The following CXCL14 variants were observed in gnomAD, a reference collection of about 807,000 sequenced individuals.
CXCL14 encodes the protein C-X-C motif chemokine 14.
In CXCL14, 9 loss-of-function variants were observed where a neutral mutation model predicts 16.1. That is an observed-to-expected ratio of 0.56 (90% CI 0.34 to 0.97). The LOEUF is 0.97. Among genes scored for constraint, CXCL14 ranks in the 50% least tolerant of loss-of-function variants. CXCL14 has a pLI of 0.02. For synonymous variants in CXCL14, 55 were observed against 52.8 expected, an observed-to-expected ratio of 1.04 and a Z score of -0.18; for missense variants, 111 against 132.5, an observed-to-expected ratio of 0.84 and a Z score of 0.80.
At chr5:135,574,232 G>T (rs187539057) in intron 3 of CXCL14, among the ~76,000 whole-genome samples, 22 of 152,370 alleles carry the variant, frequency 1.4e-4, no homozygotes, top group Admixed American at 1.1e-3. Context: ...TGGCAGCCAT[G>T]CCAGTGCTCA....
chr5:135,577,020 C>T (rs1405711888), intron 2 of CXCL14, among the ~76,000 whole-genome samples: 1 of 152,094 alleles, frequency 6.6e-6, no homozygotes, highest in African/African-American at 2.4e-5. Context: ...CTACAAGGCT[C>T]CGTAAAGCCT....
intron 3 of CXCL14, among the ~76,000 whole-genome samples, chr5:135,572,604 C>T (rs753627532): frequency 5.3e-5 from 8 of 152,334 alleles, no homozygotes; most frequent in South Asian, 2.1e-4. Flanking sequence ...TGGGGCCATA[C>T]GTTACACTTA....
At chr5:135,575,638 A>G (rs1751086303) in intron 2 of CXCL14, among the ~76,000 whole-genome samples, 1 of 152,270 alleles carries the variant, frequency 6.6e-6, no homozygotes, top group South Asian at 2.1e-4. Flanking sequence ...AAGGGGAAAG[A>G]GTAGCCTTGC....
intron 3 of CXCL14, among the ~76,000 whole-genome samples, chr5:135,572,195 A>T (rs1448917883): frequency 1.1e-4 from 17 of 152,196 alleles, no homozygotes; most frequent in Admixed American, 1.1e-3. Context: ...CCCAGTGGCC[A>T]CCGACTGTTA....
chr5:135,571,242 G>C lies in CXCL14; in HGVS notation c.*611C>G, dbSNP rs908358638. 6.6e-6 allele frequency: 1 copy of C among 152,310 alleles called. No individual in the cohort carries two copies. Among genetic ancestry groups the C allele is most frequent in the Admixed American group, 6.5e-5 (1 of 15,284 alleles). The allele number at this position is 152,310 out of a possible 1,614,324, so 9.4% of individuals were successfully genotyped here. A position where few individuals can be genotyped will look rare whatever the true frequency, so the allele number is the denominator to read the frequency against. ...CCTAGGGTGTGTAAAAATTAACCAG[G>C]GGGGAATGAAGCACATTTTTCTGGC... On this transcript the variant is annotated 3_prime_UTR_variant, in exon 4 of 4. Coordinates refer to ENST00000512158, the MANE Select transcript of CXCL14 (RefSeq NM_004887.5).
At chr5:135,575,869 G>A (rs1580694301) in intron 2 of CXCL14, among the ~76,000 whole-genome samples, 2 of 152,176 alleles carry the variant, frequency 1.3e-5, no homozygotes, top group East Asian at 3.9e-4. Context: ...GGGCAAAGGG[G>A]GAGACTGGAA....
rs1751163789 is a variant in CXCL14, at chr5:135,578,787, G to C, written c.-9C>G. 6.5e-7 allele frequency: 1 copy of C among 1,535,880 alleles called. No individual in the cohort carries two copies. ...GCCGCCAGGAGCCTCATGCTGACCG[G>C]AGGGGCGCGGCGTGGGAGCAGGGAC... On this transcript the variant is annotated 5_prime_UTR_variant, in exon 1 of 4. Coordinates refer to ENST00000512158, the MANE Select transcript of CXCL14 (RefSeq NM_004887.5).
intron 2 of CXCL14, among the ~76,000 whole-genome samples, 182 bp downstream of exon 2, chr5:135,578,252 C>T (rs919746155): frequency 1.3e-5 from 2 of 152,184 alleles, no homozygotes; most frequent in Middle Eastern, 3.2e-3. Flanking sequence ...CCCCCCTTCC[C>T]GACTGTCTTC....
At chr5:135,575,270 T>C (rs981875543) in intron 2 of CXCL14, among the ~76,000 whole-genome samples, 24 of 152,006 alleles carry the variant, frequency 1.6e-4, no homozygotes, top group African/African-American at 5.1e-4. Context: ...TTGTGGGAGG[T>C]CCCAGGTATC....
Position 135,571,952 on chromosome 5 carries a change from G to T in CXCL14, c.285-84C>A, listed in dbSNP as rs370520506. Reference sequence around the variant, plus strand: ...ATGCTGGCTAAGCGGCTTCATTCACGTCTGGTCTGCAGGGAATGCCCCTGT... The same window carrying T: ...ATGCTGGCTAAGCGGCTTCATTCACTTCTGGTCTGCAGGGAATGCCCCTGT... On this transcript the variant is annotated intron_variant, in intron 3 of 3. Transcript: ENST00000512158. 9 of 1,400,630 alleles carry T rather than the reference G, an allele frequency of 6.4e-6. No individual in the cohort carries two copies. In the Admixed American group the frequency reaches 8.8e-5, roughly 14 times the overall value. The allele number at this position is 1,400,630 out of a possible 1,614,324, so 86.8% of individuals were successfully genotyped here. A position where few individuals can be genotyped will look rare whatever the true frequency, so the allele number is the denominator to read the frequency against.
intron 3 of CXCL14, 139 bp from the exon 4 acceptor site, chr5:135,572,007 T>TG (rs1400106839): frequency 1.3e-6 from 1 of 784,408 alleles, no homozygotes; most frequent in African/African-American, 1.7e-5. Context: ...CCAGGAGAAG[T>TG]GGGAGGGATC....
intron 2 of CXCL14, among the ~76,000 whole-genome samples, chr5:135,577,131 CA>C (rs1751113506): frequency 6.6e-6 from 1 of 152,180 alleles, no homozygotes; most frequent in Non-Finnish European, 1.5e-5. Context: ...TTTTAGGTAT[CA>C]CTGCATCCTT....
At chr5:135,571,910 G>A (rs1561740272) in intron 3 of CXCL14, 42 bp from the exon 4 acceptor site, 2 of 1,609,448 alleles carry the variant, frequency 1.2e-6, no homozygotes, top group South Asian at 2.2e-5. Context: ...CAGGACATGA[G>A]GCAGGCCGTT....
chr5:135,577,409 G>T (rs1463815889), intron 2 of CXCL14, among the ~76,000 whole-genome samples: 3 of 152,234 alleles, frequency 2.0e-5, no homozygotes, highest in African/African-American at 4.8e-5. Flanking sequence ...GTGAAGGAAG[G>T]CAGTGGGGTC....
chr5:135,578,899 G>A lies in CXCL14; in HGVS notation c.-121C>T. 1.9e-6 allele frequency: 2 copies of A among 1,079,726 alleles called. No individual in the cohort carries two copies. The highest frequency in any genetic ancestry group is 3.0e-5 in the East Asian group (1 of 33,084). 66.9% of individuals were successfully genotyped at this position (1,079,726 alleles called of 1,614,324 possible). A position where few individuals can be genotyped will look rare whatever the true frequency, so the allele number is the denominator to read the frequency against. On this transcript the variant is annotated 5_prime_UTR_variant, in exon 1 of 4. Transcript: ENST00000512158. Reference sequence around the variant, plus strand: ...TTTCTCTGCCCGGGGCGCGCCTTCCGGCTCTGCTGGCTCCGGCTGCGCCGT... The same window carrying A: ...TTTCTCTGCCCGGGGCGCGCCTTCCAGCTCTGCTGGCTCCGGCTGCGCCGT...
intron 2 of CXCL14, 50 bp downstream of exon 2, chr5:135,578,384 T>C (rs1751147527): frequency 6.8e-7 from 1 of 1,478,106 alleles, no homozygotes; most frequent in Admixed American, 1.7e-5. Context: ...TGCCCTGGCA[T>C]TGGGTTGACA....
At position 135,574,593 on chromosome 5, in the gene CXCL14, T is replaced by C. The variant is rs1561740878; in HGVS notation, c.263A>G (p.Asn88Ser). 1 of 1,612,996 alleles carries C rather than the reference T, an allele frequency of 6.2e-7. No homozygotes were observed. Among genetic ancestry groups the C allele is most frequent in the East Asian group, 2.2e-5 (1 of 44,868 alleles). Residue 88 changes from asparagine (N) to serine (S), a missense_variant, in exon 3 of 4, where the codon AAC (asparagine) becomes AGC (serine). Transcript: ENST00000512158. ...QSTKRFIKWY[N>S]AWNEKRRVYE... ...GTACCTGCGCTTCTCGTTCCAGGCG[T>C]TGTACCACTTGATGAAGCGCTTGGT...
At chr5:135,571,908 G>T in intron 3 of CXCL14, 40 bp from the exon 4 acceptor site, 1 of 1,609,816 alleles carries the variant, frequency 6.2e-7, no homozygotes, top group Non-Finnish European at 8.5e-7. Context: ...CTCAGGACAT[G>T]AGGCAGGCCG....
intron 3 of CXCL14, among the ~76,000 whole-genome samples, chr5:135,572,874 C>T (rs1341448027): frequency 6.6e-6 from 1 of 152,034 alleles, no homozygotes; most frequent in Non-Finnish European, 1.5e-5. Context: ...CTTCCTTTAT[C>T]ACTGTTCTAT....
Sources: gnomAD v4.1 joint callset for allele counts (sites outside exome capture counted in the v4.1 genomes callset) on GRCh38, gnomAD v4.1.1 for gene constraint, MANE v1.5 for transcripts, NCBI Gene and HGNC (gene_info 2026-07-23, HGNC 2026-07-21) for gene names.